The following ATP10A variants were observed in gnomAD, a reference collection of about 807,000 sequenced individuals.
ATP10A encodes the protein phospholipid-transporting ATPase VA.
ATP10A carries 111 observed loss-of-function variants against 147.8 expected under a neutral mutation model. The observed-to-expected ratio is 0.75, with a 90% CI of 0.64 to 0.88. The LOEUF (loss-of-function observed/expected upper bound fraction) is 0.88. Among genes scored for constraint, ATP10A ranks in the 40% least tolerant of loss-of-function variants. The pLI is 0.00. For missense variants in ATP10A, 1,927 were observed against 1,959.0 expected (o/e 0.98, Z 0.31); for synonymous variants, 875 against 841.6 (o/e 1.04, Z -0.69).
At chr15:25,802,146 G>A (rs963955461) in intron 1 of ATP10A, among the ~76,000 whole-genome samples, 1 of 152,162 alleles carries the variant, frequency 6.6e-6, no homozygotes, top group Non-Finnish European at 1.5e-5. Context: ...GGAACTCTCC[G>A]TCTGGACGCT....
At chr15:25,767,255 G>T (rs1033638800) in intron 2 of ATP10A, among the ~76,000 whole-genome samples, 1 of 152,216 alleles carries the variant, frequency 6.6e-6, no homozygotes, top group Non-Finnish European at 1.5e-5. Context: ...TTCCTGCAGA[G>T]AGGAGATGGG....
rs372023252 is a variant in ATP10A, at chr15:25,702,069, G to A, written c.2607C>T (p.Asp869=). Residue 869 remains aspartate, a synonymous_variant, in exon 13 of 21, where the codon GAC becomes GAT. Coordinates refer to ENST00000555815, the MANE Select transcript of ATP10A (RefSeq NM_024490.4). ...ATTTAGAAATAGTTTCAGGGACTCC[G>A]TCCTGCAGGCGGTCTTCAATCCCAG... is the stretch of plus-strand genomic sequence containing the variant. ...GATGIEDRLQ[D]GVPETISKLR... 6.8e-6 allele frequency: 11 copies of A among 1,613,692 alleles called. No homozygotes were observed. The highest frequency in any genetic ancestry group is 6.7e-5 in the Admixed American group (4 of 59,964).
At chr15:25,796,975 C>G (rs1158779808) in intron 1 of ATP10A, among the ~76,000 whole-genome samples, 2 of 152,144 alleles carry the variant, frequency 1.3e-5, no homozygotes, top group Non-Finnish European at 2.9e-5. Flanking sequence ...ACATACCGAT[C>G]TTTTTTTCTG....
intron 13 of ATP10A, among the ~76,000 whole-genome samples, chr15:25,701,466 G>A (rs1165765098): frequency 3.3e-5 from 5 of 152,194 alleles, no homozygotes; most frequent in Admixed American, 6.5e-5. Flanking sequence ...GAACTTCTGC[G>A]AGGACTCAGA....
chr15:25,798,674 C>T (rs769012333), intron 1 of ATP10A, among the ~76,000 whole-genome samples: 6 of 152,162 alleles, frequency 3.9e-5, no homozygotes, highest in African/African-American at 9.7e-5. Flanking sequence ...GGCACTGTGC[C>T]GGACTCCCAT....
intron 1 of ATP10A, among the ~76,000 whole-genome samples, chr15:25,829,889 A>C (rs1892279848): frequency 6.6e-6 from 1 of 152,190 alleles, no homozygotes; most frequent in Non-Finnish European, 1.5e-5. Flanking sequence ...AGGGAAGGGA[A>C]GACAGTGAGG....
intron 2 of ATP10A, among the ~76,000 whole-genome samples, chr15:25,737,649 G>C (rs191124843): frequency 6.6e-6 from 1 of 152,266 alleles, no homozygotes; most frequent in African/African-American, 2.4e-5. Flanking sequence ...GATCTCTAGA[G>C]ACTGGCATGG....
intron 12 of ATP10A, among the ~76,000 whole-genome samples, chr15:25,703,605 T>C (rs976432407): frequency 1.3e-5 from 2 of 152,186 alleles, no homozygotes; most frequent in African/African-American, 4.8e-5. Context: ...TTACCCCTTC[T>C]TCTAGAATGA....
intron 2 of ATP10A, among the ~76,000 whole-genome samples, chr15:25,740,795 A>G (rs1887543376): frequency 6.6e-6 from 1 of 152,206 alleles, no homozygotes; most frequent in Non-Finnish European, 1.5e-5. Flanking sequence ...TTCCACCTTA[A>G]CAAAGCCTTG....
At chr15:25,815,330 G>T (rs1317205129) in intron 1 of ATP10A, among the ~76,000 whole-genome samples, 1 of 152,016 alleles carries the variant, frequency 6.6e-6, no homozygotes, top group African/African-American at 2.4e-5. Flanking sequence ...TGTGACCACG[G>T]GCAGGCTGCT....
chr15:25,864,944 C>G (rs544773874), upstream of ATP10A: 1 of 152,494 alleles, frequency 6.6e-6, no homozygotes, highest in African/African-American at 2.4e-5. Context: ...GTGTCCGCGC[C>G]TACCAGACTC....
At chr15:25,756,072 A>T (rs1020534881) in intron 2 of ATP10A, among the ~76,000 whole-genome samples, 3 of 152,152 alleles carry the variant, frequency 2.0e-5, no homozygotes, top group African/African-American at 7.2e-5. Flanking sequence ...GGCAAATAAT[A>T]GTATCTAGAT....
chr15:25,789,226 G>A (rs973917942), intron 1 of ATP10A, among the ~76,000 whole-genome samples: 1 of 152,168 alleles, frequency 6.6e-6, no homozygotes, highest in Non-Finnish European at 1.5e-5. Flanking sequence ...CTCCCAAAGT[G>A]CTGGGATTAC....
At chr15:25,728,635 A>G (rs1902738820) in intron 3 of ATP10A, among the ~76,000 whole-genome samples, 1 of 152,256 alleles carries the variant, frequency 6.6e-6, no homozygotes, top group Non-Finnish European at 1.5e-5. Flanking sequence ...TTGCACTGGG[A>G]CAGTAGAAAA....
At chr15:25,830,371 A>G (rs2140868460) in intron 1 of ATP10A, among the ~76,000 whole-genome samples, 1 of 152,318 alleles carries the variant, frequency 6.6e-6, no homozygotes, top group South Asian at 2.1e-4. Context: ...ACTAGCGGCC[A>G]GCCTGTCCAA....
intron 2 of ATP10A, among the ~76,000 whole-genome samples, chr15:25,748,026 G>A (rs896929799): frequency 2.6e-5 from 4 of 151,906 alleles, no homozygotes; most frequent in Non-Finnish European, 4.4e-5. Context: ...GTACAGTGGC[G>A]ATCTTGGCTC....
Position 25,708,257 on chromosome 15 carries a change from A to G in ATP10A, c.2388T>C (p.Thr796=). 1 of 1,614,176 alleles carries G rather than the reference A, an allele frequency of 6.2e-7. No individual in the cohort carries two copies. The highest frequency in any genetic ancestry group is 8.5e-7 in the Non-Finnish European group (1 of 1,180,034). ...CCGCATACACGTTGAGGTAATTCTG[A>G]GTTTTGCTCCGAATCTTTTTTTGAT... The part of the protein sequence containing the change: ...GRHQKKIRSK[T]QNYLNVYAAE... The change falls in exon 11 of 21, where the codon ACT becomes ACC. Residue 796 remains threonine (T), a synonymous_variant. Coordinates refer to ENST00000555815, the MANE Select transcript of ATP10A (RefSeq NM_024490.4).
intron 1 of ATP10A, among the ~76,000 whole-genome samples, chr15:25,823,516 C>T (rs1049001221): frequency 4.6e-5 from 7 of 152,170 alleles, no homozygotes; most frequent in Non-Finnish European, 1.0e-4. Context: ...ATTCCTCCTG[C>T]TTTTGAGTCA....
chr15:25,794,313 G>A (rs1468965011), intron 1 of ATP10A, among the ~76,000 whole-genome samples: 6 of 151,668 alleles, frequency 4.0e-5, no homozygotes, highest in Admixed American at 6.6e-5. Context: ...CTCCTACCAC[G>A]CAGAATTAAA....
Sources: allele counts gnomAD v4.1 joint callset (sites outside exome capture counted in the v4.1 genomes callset), GRCh38; gene constraint gnomAD v4.1.1; transcripts MANE v1.5; gene names NCBI Gene and HGNC (gene_info 2026-07-23, HGNC 2026-07-21).